The following ERICH1 variants were observed in gnomAD, a reference collection of about 807,000 sequenced individuals.
The protein encoded by ERICH1 is glutamate rich 1.
Under a neutral mutation model 39.6 loss-of-function variants are expected in ERICH1, and 56 were observed. The observed-to-expected ratio is 1.41, with a 90% confidence interval of 1.14 to 1.77. The LOEUF (loss-of-function observed/expected upper bound fraction) is 1.77. Among genes scored for constraint, ERICH1 ranks in the 40% most tolerant of loss-of-function variants. ERICH1 has a pLI of 0.00. For synonymous variants in ERICH1, 313 were observed against 223.6 expected, an observed-to-expected ratio of 1.40 and a Z score of -3.57; for missense variants, 826 against 575.4, an observed-to-expected ratio of 1.44 and a Z score of -4.45.
At chr8:670,589 G>C (rs1803080048) in intron 4 of ERICH1, among the ~76,000 whole-genome samples, 2 of 152,154 alleles carry the variant, frequency 1.3e-5, no homozygotes, top group Non-Finnish European at 2.9e-5. Flanking sequence ...TGGGCTCGAG[G>C]GTCAGGCCGA....
Position 720,047 on chromosome 8 carries a change from A to G in ERICH1, c.23-4040T>C, listed in dbSNP as rs531271567. Among the ~76,000 whole-genome samples, 9 of 152,336 alleles carry G rather than the reference A, an allele frequency of 5.9e-5. No homozygotes were observed. The East Asian group carries it at 1.2e-3, about 20-fold the overall frequency. ...CCAAGAAGACCAACATTTAGAAAGC[A>G]GAACGCGGCCCTAGACGTGCACCTT... On this transcript the variant is annotated intron_variant, in intron 1 of 5. Transcript: ENST00000262109.
intron 3 of ERICH1, among the ~76,000 whole-genome samples, chr8:631,853 A>T (rs1039341876): frequency 6.6e-6 from 1 of 151,260 alleles, no homozygotes; most frequent in Non-Finnish European, 1.5e-5. Flanking sequence ...CCGCCCCCCG[A>T]CCCCCGCCCC....
At chr8:627,826 G>T (rs967721403) in intron 3 of ERICH1, among the ~76,000 whole-genome samples, 1 of 152,192 alleles carries the variant, frequency 6.6e-6, no homozygotes, top group South Asian at 2.1e-4. Flanking sequence ...AGCCAGCAAG[G>T]GTCTGACAGG....
intron 5 of ERICH1, among the ~76,000 whole-genome samples, chr8:664,934 G>A (rs908086264): frequency 2.6e-5 from 4 of 152,206 alleles, no homozygotes; most frequent in East Asian, 3.8e-4. Flanking sequence ...TGGTTCACTG[G>A]CTCTATTACA....
chr8:615,396 T>C, intron 3 of ERICH1: 1 of 562,408 alleles, frequency 1.8e-6, no homozygotes, highest in South Asian at 2.4e-5. Flanking sequence ...AGATTAGTCT[T>C]CCTAAGCCCT....
At chr8:671,659 C>T (rs1803439440) in intron 4 of ERICH1, 2 of 172,822 alleles carry the variant, frequency 1.2e-5, no homozygotes, top group South Asian at 2.2e-4. Flanking sequence ...CTGAACCTGC[C>T]GGCCCCGGCC....
intron 3 of ERICH1, chr8:691,141 G>A (rs1340354504): frequency 6.6e-6 from 1 of 150,836 alleles, no homozygotes; most frequent in African/African-American, 2.5e-5. Context: ...TTAGAGGGTG[G>A]GCTTTGCTGT....
intron 3 of ERICH1, among the ~76,000 whole-genome samples, chr8:628,170 TG>T (rs1697372729): frequency 6.6e-6 from 1 of 152,178 alleles, no homozygotes; most frequent in African/African-American, 2.4e-5. Context: ...TATGAGGCTC[TG>T]GAAGTGCTGT....
In ERICH1 at chr8:673,920, C is replaced by T; in HGVS notation, c.432G>A (p.Gln144=). ...CTGTGTGCTGTCGCTGAGATTTCTCCTGTAACAGACTCTGCTGTTTCTCTA... is the reference window on the plus strand; with the variant it reads ...CTGTGTGCTGTCGCTGAGATTTCTCTTGTAACAGACTCTGCTGTTTCTCTA... ...AELEKQQSLL[Q]EKSQRQHTDG... is the part of the protein sequence containing the mutation. Residue 144 remains glutamine (Q), a synonymous_variant, in exon 4 of 6, where the codon CAG becomes CAA. Transcript: ENST00000262109. 1 of 1,613,218 alleles carries T rather than the reference C, an allele frequency of 6.2e-7. No homozygotes were observed. Among genetic ancestry groups the T allele is most frequent in the Non-Finnish European group, 8.5e-7 (1 of 1,179,970 alleles).
rs766675475 is a variant in ERICH1, at chr8:673,969, T to C, written c.383A>G (p.Asn128Ser). Residue 128 changes from asparagine (N) to serine (S), a missense_variant, in exon 4 of 6, where the codon AAT becomes AGT. Transcript: ENST00000262109. ...KSKKKFKNPN[N>S]VLIEQAELEK... ...TAATTCTGCTTGTTCTATAAGAACA[T>C]TATTGGGATTTTTAAATTTTTTCTT... The C allele has an allele frequency of 1.3e-6, 2 of 1,592,310 alleles. No homozygotes were observed. Among genetic ancestry groups the C allele is most frequent in the African/African-American group, 2.7e-5 (2 of 73,534 alleles).
intron 3 of ERICH1, among the ~76,000 whole-genome samples, chr8:616,792 T>TG: frequency 2.7e-5 from 1 of 37,420 alleles, no homozygotes; most frequent in South Asian, 1.2e-3. Context: ...GGGAGAGAGA[T>TG]GGGGAAGAGA....
At chr8:638,557 T>A (rs1798640421) in intron 3 of ERICH1, among the ~76,000 whole-genome samples, 1 of 152,130 alleles carries the variant, frequency 6.6e-6, no homozygotes, top group Admixed American at 6.5e-5. Context: ...TCCACTGAGC[T>A]GTGATCGTGT....
Position 673,639 on chromosome 8 carries a change from C to T in ERICH1, c.713G>A (p.Ser238Asn), listed in dbSNP as rs372667883. Residue 238 changes from serine to asparagine, a missense_variant, in exon 4 of 6, where the codon AGC becomes AAC. By Grantham distance (46) the Ser-to-Asn change is conservative (BLOSUM62 1). Transcript: ENST00000262109. ...CCTGGCCCGTGTCAGGTCTTCCTCG[C>T]TAGCGTCCGCACCATCTTCCTCCCT... The part of the protein sequence containing the change: ...DTREEDGADA[S>N]EEDLTRARQE... The T allele has an allele frequency of 1.2e-5, 19 of 1,609,940 alleles. No homozygotes were observed. The highest frequency in any genetic ancestry group is 1.6e-5 in the Non-Finnish European group (19 of 1,177,500).
chr8:705,516 A>C (rs1340953494), intron 2 of ERICH1, among the ~76,000 whole-genome samples: 1 of 152,250 alleles, frequency 6.6e-6, no homozygotes, highest in African/African-American at 2.4e-5. Flanking sequence ...TGGGCATAGA[A>C]GGGAACTTCT....
chr8:635,057 A>G (rs1018103472), intron 3 of ERICH1, among the ~76,000 whole-genome samples: 1 of 151,642 alleles, frequency 6.6e-6, no homozygotes. Context: ...CAGGCTTTGG[A>G]CACTCAGGGA....
intron 3 of ERICH1, among the ~76,000 whole-genome samples, chr8:634,711 G>A (rs1044754804): frequency 2.6e-5 from 4 of 152,214 alleles, no homozygotes; most frequent in African/African-American, 9.6e-5. Flanking sequence ...GGTCCCGGGT[G>A]TGAGAGGGGC....
At chr8:717,020 C>G (rs73178863) in intron 1 of ERICH1, among the ~76,000 whole-genome samples, 4 of 152,122 alleles carry the variant, frequency 2.6e-5, no homozygotes, top group South Asian at 2.1e-4. Flanking sequence ...CAGAGCTCCC[C>G]GTGCCCTCCG....
chr8:700,245 G>GCGCACAGA (rs1362785824), intron 2 of ERICH1, among the ~76,000 whole-genome samples: 1 of 42,806 alleles, frequency 2.3e-5, no homozygotes, highest in Non-Finnish European at 4.7e-5. Context: ...GCCCGCACAG[G>GCGCACAGA]CCCGCACACG....
intron 3 of ERICH1, among the ~76,000 whole-genome samples, chr8:628,464 C>G (rs1797726511): frequency 6.6e-6 from 1 of 152,246 alleles, no homozygotes; most frequent in African/African-American, 2.4e-5. Flanking sequence ...TACTCCCCTG[C>G]AGAGGGCATG....
Sources: gnomAD v4.1 joint callset for allele counts (sites outside exome capture counted in the v4.1 genomes callset) on GRCh38, gnomAD v4.1.1 for gene constraint, MANE v1.5 for transcripts, NCBI Gene and HGNC (gene_info 2026-07-23, HGNC 2026-07-21) for gene names.